The following SULF1 variants were observed in gnomAD, a reference collection of about 807,000 sequenced individuals.
The protein encoded by SULF1 is extracellular sulfatase Sulf-1.
Under a neutral mutation model 110.5 loss-of-function variants are expected in SULF1, and 46 were observed. That is an observed-to-expected ratio of 0.42 (90% CI 0.33 to 0.53). The LOEUF is 0.53. Among genes scored for constraint, SULF1 ranks in the 20% least tolerant of loss-of-function variants. The pLI, the probability that SULF1 is intolerant of heterozygous loss-of-function variation, is 0.12. For missense variants in SULF1, 941 were observed against 1,094.2 expected (o/e 0.86, Z 1.98); for synonymous variants, 371 against 387.1 (o/e 0.96, Z 0.49).
At chr8:69,516,480 G>A (rs1461827277) in intron 3 of SULF1, among the ~76,000 whole-genome samples, 1 of 152,060 alleles carries the variant, frequency 6.6e-6, no homozygotes, top group Non-Finnish European at 1.5e-5. Context: ...CGCCTACCAG[G>A]CCCCAGCTCT....
At chr8:69,491,499 A>G (rs928922624), upstream of SULF1, among the ~76,000 whole-genome samples, 1 of 152,244 alleles carries the variant, frequency 6.6e-6, no homozygotes, top group African/African-American at 2.4e-5. Context: ...CAAAGGAACA[A>G]CAGATGCCAA....
chr8:69,585,471 CT>C (rs1420922946), intron 6 of SULF1, among the ~76,000 whole-genome samples: 1 of 152,162 alleles, frequency 6.6e-6, no homozygotes, highest in African/African-American at 2.4e-5. Flanking sequence ...CCAGCTTCTT[CT>C]TTGCTTCCCG....
At chr8:69,524,337 G>A (rs529543606) in intron 3 of SULF1, among the ~76,000 whole-genome samples, 1 of 152,222 alleles carries the variant, frequency 6.6e-6, no homozygotes, top group Non-Finnish European at 1.5e-5. Flanking sequence ...AGGAAACATG[G>A]TGCTGGCATA....
intron 3 of SULF1, among the ~76,000 whole-genome samples, chr8:69,529,696 A>T (rs1812951879): frequency 6.6e-6 from 1 of 152,182 alleles, no homozygotes; most frequent in Admixed American, 6.5e-5. Context: ...CAAGGCTGGC[A>T]GGTTGGTGCT....
In SULF1 at chr8:69,646,831, C is replaced by A. The variant is rs117543661; in HGVS notation, c.2585+5990C>A. Among the ~76,000 whole-genome samples, 527 of 151,696 alleles carry A rather than the reference C, an allele frequency of 3.5e-3. 3 individuals are homozygous for A. The highest frequency in any genetic ancestry group is 0.014 in the Middle Eastern group (4 of 294). ...TACACATAATAATACACAAGGATTTCATGAGATATTACCTGAAAAGTAAGC... is the reference window on the plus strand; with the variant it reads ...TACACATAATAATACACAAGGATTTAATGAGATATTACCTGAAAAGTAAGC... On this transcript the variant is annotated intron_variant, in intron 22 of 22. Transcript: ENST00000402687.
Position 69,606,224 on chromosome 8 carries a change from A to C in SULF1, c.1377+1292A>C, listed in dbSNP as rs79191161. Among the ~76,000 whole-genome samples, 297 of 152,324 alleles carry C rather than the reference A, an allele frequency of 1.9e-3. 1 individual carries two copies. The highest frequency in any genetic ancestry group is 2.6e-3 in the Non-Finnish European group (180 of 68,024). On this transcript the variant is annotated intron_variant, in intron 13 of 22. Transcript: ENST00000402687. ...TGTACACAGGATCCCTTTGAAATAG[A>C]AGAGGATAGGGAGGGAGAGCTGTTG...
intron 3 of SULF1, among the ~76,000 whole-genome samples, chr8:69,509,184 A>G (rs1811395438): frequency 6.6e-6 from 1 of 152,232 alleles, no homozygotes; most frequent in African/African-American, 2.4e-5. Flanking sequence ...AAGGCATTAC[A>G]TGGTGATCAT....
intron 3 of SULF1, among the ~76,000 whole-genome samples, chr8:69,527,765 G>A (rs530712776): frequency 1.3e-5 from 2 of 152,222 alleles, no homozygotes; most frequent in South Asian, 4.2e-4. Flanking sequence ...CCCATTTAGT[G>A]TGGGCAAGTG....
chr8:69,540,408 AAGAC>A (rs1813779910), intron 3 of SULF1, among the ~76,000 whole-genome samples: 1 of 152,380 alleles, frequency 6.6e-6, no homozygotes, highest in East Asian at 1.9e-4. Flanking sequence ...ACAATGCTGA[AAGAC>A]AGGCAGGGCT....
intron 3 of SULF1, among the ~76,000 whole-genome samples, chr8:69,511,468 C>A (rs1417392159): frequency 6.6e-6 from 1 of 152,218 alleles, no homozygotes; most frequent in East Asian, 1.9e-4. Context: ...GGTCTAGCAT[C>A]TCCCCTAGTA....
chr8:69,611,889 T>G (rs1266350123), intron 13 of SULF1, among the ~76,000 whole-genome samples: 3 of 152,116 alleles, frequency 2.0e-5, no homozygotes, highest in Non-Finnish European at 2.9e-5. Flanking sequence ...ATACAAGTGG[T>G]TTTTGGTTAC....
intron 22 of SULF1, among the ~76,000 whole-genome samples, chr8:69,648,139 GAAAAA>G (rs112144677): frequency 8.5e-6 from 1 of 117,718 alleles, no homozygotes; most frequent in Admixed American, 9.1e-5. Flanking sequence ...TGTGCCTTCA[GAAAAA>G]AAAAAAAAAC....
chr8:69,566,599 C>T (rs1011826077), intron 5 of SULF1, among the ~76,000 whole-genome samples: 1 of 152,112 alleles, frequency 6.6e-6, no homozygotes, highest in African/African-American at 2.4e-5. Flanking sequence ...GCCTATAATC[C>T]CAGCACTTCG....
In SULF1 at chr8:69,644,993, G is replaced by A. The variant is rs1322656895; in HGVS notation, c.2585+4152G>A. Among the ~76,000 whole-genome samples the A allele has an allele frequency of 4.6e-5, 7 of 152,128 alleles. No homozygotes were observed. In the East Asian group the frequency reaches 1.2e-3, roughly 25 times the overall value. On this transcript the variant is annotated intron_variant, in intron 22 of 22. Transcript: ENST00000402687. ...TTCAGATGCTCAAACAAGAGATGGA[G>A]CAGGGGCAGGGTTTGGGGTTAAATG...
chr8:69,526,842 G>GAA (rs3059932), intron 3 of SULF1, among the ~76,000 whole-genome samples: 47 of 143,316 alleles, frequency 3.3e-4, no homozygotes, highest in Admixed American at 7.5e-4. Flanking sequence ...AGGAAGGAAG[G>GAA]GAGGAAGGAA....
intron 3 of SULF1, among the ~76,000 whole-genome samples, chr8:69,559,431 C>T (rs1815324938): frequency 6.6e-6 from 1 of 152,182 alleles, no homozygotes; most frequent in Non-Finnish European, 1.5e-5. Context: ...CATTTGTTAA[C>T]ATCACTACCA....
chr8:69,526,898 A>G (rs1228713314), intron 3 of SULF1, among the ~76,000 whole-genome samples: 1 of 152,038 alleles, frequency 6.6e-6, no homozygotes, highest in Non-Finnish European at 1.5e-5. Flanking sequence ...AAAGGAAGGA[A>G]GAGGCTACTT....
chr8:69,641,342 A>G (rs1480055624), intron 22 of SULF1, among the ~76,000 whole-genome samples: 1 of 152,198 alleles, frequency 6.6e-6, no homozygotes, highest in African/African-American at 2.4e-5. Context: ...ATGTTCATTC[A>G]TTAACTTTGG....
At chr8:69,651,344 C>T (rs560413628) in intron 22 of SULF1, among the ~76,000 whole-genome samples, 8 of 152,218 alleles carry the variant, frequency 5.3e-5, no homozygotes, top group Non-Finnish European at 8.8e-5. Flanking sequence ...TGAGCCACCG[C>T]GCCCAGCCTC....
Sources: gnomAD v4.1 joint callset for allele counts (sites outside exome capture counted in the v4.1 genomes callset) on GRCh38, gnomAD v4.1.1 for gene constraint, MANE v1.5 for transcripts, NCBI Gene and HGNC (gene_info 2026-07-23, HGNC 2026-07-21) for gene names.